Variants in VPS13B observed in about 807,000 individuals in gnomAD.
VPS13B encodes vacuolar protein sorting 13 homolog B, also known as intermembrane lipid transfer protein VPS13B.
Under a neutral mutation model 426.4 loss-of-function variants are expected in VPS13B, and 285 were observed. The observed-to-expected ratio is 0.67, with a 90% CI of 0.61 to 0.74. The LOEUF (loss-of-function observed/expected upper bound fraction) is 0.74, where lower values mean the gene tolerates loss of function less well. VPS13B is among the 30% of genes least tolerant of loss of function. VPS13B has a pLI of 0.00. For missense variants in VPS13B, 4,537 were observed against 4,782.6 expected, an observed-to-expected ratio of 0.95 and a Z score of 1.51; for synonymous variants, 1,676 against 1,676.4, an observed-to-expected ratio of 1.00 and a Z score of 0.01.
chr8:99,601,907 G>A (rs569348595), intron 33 of VPS13B, among the ~76,000 whole-genome samples: 1 of 152,284 alleles, frequency 6.6e-6, no homozygotes, highest in South Asian at 2.1e-4. Context: ...CACTTTGTCA[G>A]ATGGGTAGAT....
chr8:99,056,176 C>T (rs1287149170), intron 3 of VPS13B, among the ~76,000 whole-genome samples: 2 of 151,998 alleles, frequency 1.3e-5, no homozygotes, highest in Non-Finnish European at 2.9e-5. Flanking sequence ...CCCACCCCAG[C>T]CTCCCAAGTA....
At position 99,560,087 on chromosome 8, in the gene VPS13B, C is replaced by T. The variant is rs1419536585; in HGVS notation, c.4949+3434C>T. 3.9e-5 allele frequency among the ~76,000 whole-genome samples: 6 copies of T among 152,206 alleles called. No individual in the cohort carries two copies. In the East Asian group the frequency reaches 1.2e-3, roughly 29 times the overall value. ...TTGTGTCCTCTTTTCTTTCATTGAG[C>T]AGTCGTCTGTAGTTCTCCTTAAAGA... On this transcript the variant is annotated intron_variant, in intron 31 of 61. Coordinates refer to ENST00000357162, the MANE Select transcript of VPS13B (RefSeq NM_152564.5).
chr8:99,018,157 G>A (rs1225096893), intron 2 of VPS13B, among the ~76,000 whole-genome samples: 1 of 152,160 alleles, frequency 6.6e-6, no homozygotes, highest in South Asian at 2.1e-4. Flanking sequence ...AGGCCAAGGT[G>A]GGTGGATCAC....
rs552429454 is a variant in VPS13B, at chr8:99,115,897, A to G, written c.937+23A>G. 10 of 1,606,978 alleles carry G rather than the reference A, an allele frequency of 6.2e-6. No homozygotes were observed. In the South Asian group the frequency reaches 6.7e-5, roughly 11 times the overall value. ...CAGGTAATGTAAAACTTTATTAAAC[A>G]AAAACTTTATTTTAAGACTATTCTT... On this transcript the variant is annotated intron_variant, in intron 7 of 61. Transcript: ENST00000357162.
At chr8:99,404,784 C>T (rs956671287) in intron 21 of VPS13B, among the ~76,000 whole-genome samples, 1 of 152,130 alleles carries the variant, frequency 6.6e-6, no homozygotes, top group Non-Finnish European at 1.5e-5. Flanking sequence ...TTACCCTACC[C>T]CATGTTAAGC....
intron 17 of VPS13B, among the ~76,000 whole-genome samples, chr8:99,263,779 T>G (rs1388679883): frequency 6.6e-6 from 1 of 152,218 alleles, no homozygotes; most frequent in East Asian, 1.9e-4. Context: ...TCCTTTCTGT[T>G]GTAATATGAC....
At chr8:99,598,522 G>A (rs1588534948) in intron 33 of VPS13B, among the ~76,000 whole-genome samples, 1 of 152,126 alleles carries the variant, frequency 6.6e-6, no homozygotes, top group East Asian at 1.9e-4. Context: ...GGTAGTGTAT[G>A]TAAAGACTAA....
At chr8:99,289,215 A>T (rs1284298612) in intron 19 of VPS13B, among the ~76,000 whole-genome samples, 1 of 152,180 alleles carries the variant, frequency 6.6e-6, no homozygotes, top group Non-Finnish European at 1.5e-5. Flanking sequence ...AATACTCTAG[A>T]TAATGATCTT....
At chr8:99,782,515 ACC>A (rs948067745) in intron 42 of VPS13B, among the ~76,000 whole-genome samples, 3 of 151,860 alleles carry the variant, frequency 2.0e-5, no homozygotes, top group African/African-American at 7.3e-5. Context: ...TGCTCTTAAA[ACC>A]AACCTTAAAA....
intron 17 of VPS13B, among the ~76,000 whole-genome samples, chr8:99,249,924 G>A (rs1817416906): frequency 6.6e-6 from 1 of 152,058 alleles, no homozygotes; most frequent in Non-Finnish European, 1.5e-5. Context: ...GTTGGGGGTG[G>A]TGGGGGAGAA....
chr8:99,142,941 G>C, intron 12 of VPS13B, 33 bp from the exon 13 acceptor site: 1 of 1,586,224 alleles, frequency 6.3e-7, no homozygotes, highest in Non-Finnish European at 8.6e-7. Flanking sequence ...ATATCCAATT[G>C]ATGCTTAAAA....
intron 54 of VPS13B, among the ~76,000 whole-genome samples, chr8:99,847,524 C>T (rs573816305): frequency 3.3e-5 from 5 of 152,072 alleles, no homozygotes; most frequent in East Asian, 3.9e-4. Context: ...ATATTCTAGG[C>T]GTGGTGAGTA....
intron 34 of VPS13B, among the ~76,000 whole-genome samples, chr8:99,647,013 A>C (rs1468520880): frequency 6.6e-6 from 1 of 152,294 alleles, no homozygotes; most frequent in South Asian, 2.1e-4. Flanking sequence ...AAAATAGCCT[A>C]ACATAACACG....
chr8:99,146,102 C>T (rs1205806939), intron 13 of VPS13B, among the ~76,000 whole-genome samples: 1 of 137,304 alleles, frequency 7.3e-6, no homozygotes, highest in South Asian at 2.2e-4. Flanking sequence ...GCTTATTTGC[C>T]ATTTTTATTT....
intron 29 of VPS13B, among the ~76,000 whole-genome samples, chr8:99,516,787 CAAAAAAA>C (rs528490868): frequency 8.4e-4 from 14 of 16,696 alleles, no homozygotes; most frequent in Admixed American, 1.5e-3. Flanking sequence ...GACCGTGTCT[CAAAAAAA>C]AAAAAAAAAA....
chr8:99,534,335 A>G (rs1823081625), intron 30 of VPS13B, among the ~76,000 whole-genome samples: 1 of 152,188 alleles, frequency 6.6e-6, no homozygotes, highest in South Asian at 2.1e-4. Flanking sequence ...AAGTTCTACC[A>G]TCATAAATTT....
intron 33 of VPS13B, 120 bp downstream of exon 33, chr8:99,577,753 C>T: frequency 7.8e-7 from 1 of 1,288,152 alleles, no homozygotes; most frequent in South Asian, 1.3e-5. Context: ...TAACTTTATT[C>T]AAAATATAGT....
rs745860921 is a variant in VPS13B, at chr8:99,568,276, C to CTATTAT, written c.4950-7362_4950-7357dup. On this transcript the variant is annotated intron_variant, in intron 31 of 61. Coordinates refer to ENST00000357162, the MANE Select transcript of VPS13B (RefSeq NM_152564.5). ...CCTCTAAATGGATATATACCGATAA[C>CTATTAT]TATTATTATTATTATTATTATTATT... Among the ~76,000 whole-genome samples, 21 of 117,066 alleles carry CTATTAT rather than the reference C, an allele frequency of 1.8e-4. No homozygotes were observed. In the East Asian group the frequency reaches 2.8e-3, roughly 16 times the overall value. 76.8% of individuals were successfully genotyped at this position (117,066 alleles called of 152,430 possible).
chr8:99,025,084 A>G (rs574830564), intron 2 of VPS13B, among the ~76,000 whole-genome samples: 1 of 151,908 alleles, frequency 6.6e-6, no homozygotes, highest in African/African-American at 2.4e-5. Context: ...TTTCTTTTTC[A>G]GCTAGTTTGT....
Sources: gnomAD v4.1 joint callset for allele counts (sites outside exome capture counted in the v4.1 genomes callset) on GRCh38, gnomAD v4.1.1 for gene constraint, MANE v1.5 for transcripts, NCBI Gene and HGNC (gene_info 2026-07-23, HGNC 2026-07-21) for gene names.